The following ALG9 variants were observed in gnomAD, a reference collection of about 807,000 sequenced individuals.
The protein encoded by ALG9 is alpha-1,2-mannosyltransferase ALG9.
In ALG9, 55 loss-of-function variants were observed where a neutral mutation model predicts 81.8. That is an observed-to-expected ratio of 0.67 (90% CI 0.54 to 0.84). ALG9 has a LOEUF of 0.84. ALG9 is among the 40% of genes least tolerant of loss of function. The pLI, the probability that ALG9 is intolerant of heterozygous loss-of-function variation, is 0.00. For synonymous variants in ALG9, 278 were observed against 274.3 expected (o/e 1.01, Z -0.13); for missense variants, 629 against 745.0 (o/e 0.84, Z 1.81).
Position 111,870,343 on chromosome 11 carries a change from G to C in ALG9, c.159C>G (p.Val53=). 1 of 1,467,338 alleles carries C rather than the reference G, an allele frequency of 6.8e-7. No individual in the cohort carries two copies. Among genetic ancestry groups the C allele is most frequent in the South Asian group, 1.2e-5 (1 of 85,916 alleles). 90.9% of individuals were successfully genotyped at this position (1,467,338 alleles called of 1,614,324 possible). A position where few individuals can be genotyped will look rare whatever the true frequency, so the allele number is the denominator to read the frequency against. Residue 53 remains valine (V), a synonymous_variant, in exon 2 of 15, where the codon GTC becomes GTG. Coordinates refer to ENST00000616540, the MANE Select transcript of ALG9 (RefSeq NM_024740.2). ...TELSGNKAGQ[V]WAPEGSTAFK... Reference sequence around the variant, plus strand: ...AAGCAGTAGATCCTTCAGGTGCCCAGACTTGTCCTGCTTTGTTCCCAGATA... The same window carrying C: ...AAGCAGTAGATCCTTCAGGTGCCCACACTTGTCCTGCTTTGTTCCCAGATA...
At chr11:111,857,227 C>T (rs571783380) in intron 6 of ALG9, among the ~76,000 whole-genome samples, 2 of 152,242 alleles carry the variant, frequency 1.3e-5, no homozygotes, top group Admixed American at 1.3e-4. Context: ...AAAACATCAG[C>T]TATAGAGTCA....
chr11:111,847,742 C>T (rs561867624), intron 8 of ALG9, among the ~76,000 whole-genome samples: 27 of 152,178 alleles, frequency 1.8e-4, no homozygotes, highest in Non-Finnish European at 2.6e-4. Context: ...TGTTCTTTAC[C>T]TTATCCAAAC....
At chr11:111,843,693 C>T (rs1439472757) in intron 9 of ALG9, among the ~76,000 whole-genome samples, 1 of 152,146 alleles carries the variant, frequency 6.6e-6, no homozygotes, top group African/African-American at 2.4e-5. Context: ...ATGAGAGGCA[C>T]TAGATATCCA....
chr11:111,805,233 TCAG>T (rs782658513), intron 14 of ALG9: 39 of 456,222 alleles, frequency 8.5e-5, no homozygotes, highest in South Asian at 6.0e-4. Context: ...AGGATACAAG[TCAG>T]CTGTCTGCAG....
chr11:111,859,066 C>T (rs1959160904), intron 5 of ALG9, among the ~76,000 whole-genome samples: 1 of 151,990 alleles, frequency 6.6e-6, no homozygotes, highest in African/African-American at 2.4e-5. Flanking sequence ...ACTAGCCAGG[C>T]ATGGTGATGC....
At chr11:111,867,178 T>A (rs1020181862) in intron 3 of ALG9, among the ~76,000 whole-genome samples, 30 of 152,370 alleles carry the variant, frequency 2.0e-4, no homozygotes, top group African/African-American at 6.7e-4. Context: ...TTTGTCACTT[T>A]CTGCAGGTGC....
intron 13 of ALG9, among the ~76,000 whole-genome samples, chr11:111,818,640 A>T (rs782287498): frequency 6.6e-6 from 1 of 152,232 alleles, no homozygotes; most frequent in Non-Finnish European, 1.5e-5. Flanking sequence ...ACATGCTCTT[A>T]TAGCAACCAG....
intron 14 of ALG9, 166 bp downstream of exon 14, chr11:111,809,477 T>C (rs572935972): frequency 8.0e-6 from 6 of 750,464 alleles, no homozygotes; most frequent in South Asian, 6.7e-5. Flanking sequence ...TTGTGGGGAG[T>C]TGAGATCACA....
chr11:111,868,550 G>C (rs1436187238), intron 3 of ALG9, 52 bp downstream of exon 3: 3 of 1,589,254 alleles, frequency 1.9e-6, no homozygotes, highest in Non-Finnish European at 2.6e-6. Flanking sequence ...AACTATACCA[G>C]AGACTCACCT....
Position 111,868,679 on chromosome 11 carries a change from C to T in ALG9, c.328G>A (p.Ala110Thr), listed in dbSNP as rs1555155642. ...FQTWEYSPAY[A>T]IRSYAYLLLH... ...AACAGGTAAGCATAGGAGCGAATGG[C>T]ATATGCTGGGGAATATTCCCAAGTC... The change falls in exon 3 of 15, where the codon GCC (alanine) becomes ACC (threonine). Residue 110 changes from alanine to threonine, a missense_variant. This residue lies in a region of ALG9 where 344 missense variants were observed against 390.5 expected (regional missense o/e 0.88). Transcript: ENST00000616540. The T allele has an allele frequency of 1.9e-6, 3 of 1,613,812 alleles. No homozygotes were observed. Among genetic ancestry groups the T allele is most frequent in the Non-Finnish European group, 2.5e-6 (3 of 1,179,770 alleles).
At chr11:111,816,055 C>G (rs1434690720) in intron 13 of ALG9, among the ~76,000 whole-genome samples, 1 of 152,180 alleles carries the variant, frequency 6.6e-6, no homozygotes, top group Non-Finnish European at 1.5e-5. Context: ...CAAAATAAAT[C>G]TTCTTGGTTT....
At chr11:111,863,291 G>A (rs893545280) in intron 4 of ALG9, among the ~76,000 whole-genome samples, 2 of 152,166 alleles carry the variant, frequency 1.3e-5, no homozygotes, top group African/African-American at 4.8e-5. Context: ...CCGGGAGGCT[G>A]AGGTTGCAGT....
the ALG9 span, chr11:111,771,244 C>T: frequency 6.6e-6 from 1 of 152,482 alleles, no homozygotes; most frequent in East Asian, 1.9e-4. Flanking sequence ...CCAGCCTGGC[C>T]AACATAGTGA....
At chr11:111,802,815 A>G (rs11823089) in intron 14 of ALG9, among the ~76,000 whole-genome samples, 40,407 of 152,052 alleles carry the variant, frequency 0.27, 5,586 homozygotes, top group Admixed American at 0.34. Context: ...TTCCAATCAC[A>G]CTATATTTCT....
At chr11:111,792,208 ATTAT>A (rs1405687106) in intron 14 of ALG9, among the ~76,000 whole-genome samples, 5 of 152,164 alleles carry the variant, frequency 3.3e-5, no homozygotes, top group Non-Finnish European at 5.9e-5. Context: ...CACAATTTGT[ATTAT>A]TTATTTGTTG....
chr11:111,844,503 G>T, intron 9 of ALG9, 98 bp downstream of exon 9: 1 of 1,535,118 alleles, frequency 6.5e-7, no homozygotes, highest in Non-Finnish European at 9.0e-7. Flanking sequence ...TAGGAAGAAT[G>T]TGGAAAATAA....
At chr11:111,821,364 C>T (rs1555103476) in intron 13 of ALG9, among the ~76,000 whole-genome samples, 1 of 152,122 alleles carries the variant, frequency 6.6e-6, no homozygotes, top group Non-Finnish European at 1.5e-5. Flanking sequence ...CACCAAAAGC[C>T]AGAGCCCCTT....
At chr11:111,820,551 T>C (rs1952167895) in intron 13 of ALG9, among the ~76,000 whole-genome samples, 1 of 152,180 alleles carries the variant, frequency 6.6e-6, no homozygotes, top group Non-Finnish European at 1.5e-5. Flanking sequence ...TTCCATTAGG[T>C]GCCACCTCCT....
At chr11:111,817,205 G>T (rs1555098285) in intron 13 of ALG9, 2 of 152,154 alleles carry the variant, frequency 1.3e-5, no homozygotes, top group Admixed American at 6.5e-5. Context: ...AGGTTTTTCA[G>T]CCAAGGAGTA....
Sources: gnomAD v4.1 joint callset for allele counts (sites outside exome capture counted in the v4.1 genomes callset) on GRCh38, gnomAD v4.1.1 for gene constraint, gnomAD v4.1.1 regional missense constraint, MANE v1.5 for transcripts, NCBI Gene and HGNC (gene_info 2026-07-23, HGNC 2026-07-21) for gene names.